DPF3: variants seen among roughly 807,000 people sequenced by gnomAD.
DPF3 encodes the protein double PHD fingers 3.
Under a neutral mutation model 56.8 loss-of-function variants are expected in DPF3, and 18 were observed. That is an observed-to-expected ratio of 0.32 (90% CI 0.22 to 0.47). DPF3 has a LOEUF of 0.47. Ranked by LOEUF, DPF3 falls within the 20% of genes least tolerant of loss-of-function variation. The probability of loss-of-function intolerance (pLI) is 1.00; values close to 1 mark genes in which losing one functional copy is unlikely to be tolerated. For missense variants in DPF3, 403 were observed against 488.8 expected, an observed-to-expected ratio of 0.82 and a Z score of 1.65; for synonymous variants, 188 against 180.2, an observed-to-expected ratio of 1.04 and a Z score of -0.35.
At chr14:72,871,789 C>T (rs554695449) in intron 1 of DPF3, among the ~76,000 whole-genome samples, 2 of 152,324 alleles carry the variant, frequency 1.3e-5, no homozygotes, top group African/African-American at 4.8e-5. Context: ...CTTTTCCAGG[C>T]ACATGGTGCA....
intron 1 of DPF3, among the ~76,000 whole-genome samples, chr14:72,877,037 G>C (rs1011494055): frequency 7.9e-5 from 12 of 152,120 alleles, no homozygotes; most frequent in African/African-American, 2.9e-4. Flanking sequence ...TTTTGATCAA[G>C]GTGCAATTCA....
At chr14:72,884,627 C>G (rs1193909289) in intron 1 of DPF3, among the ~76,000 whole-genome samples, 7 of 151,814 alleles carry the variant, frequency 4.6e-5, no homozygotes, top group Non-Finnish European at 1.5e-5. Flanking sequence ...CTCCTGCCCC[C>G]CAAGCTATCC....
chr14:72,698,708 T>C (rs1253969016), intron 6 of DPF3, among the ~76,000 whole-genome samples: 1 of 152,174 alleles, frequency 6.6e-6, no homozygotes, highest in Non-Finnish European at 1.5e-5. Flanking sequence ...TAGGCTAGGC[T>C]ACACTATGGT....
intron 1 of DPF3, among the ~76,000 whole-genome samples, chr14:72,884,907 TAA>T (rs1460223483): frequency 8.4e-6 from 1 of 118,786 alleles, no homozygotes; most frequent in Non-Finnish European, 1.8e-5. Flanking sequence ...CCGTCCTGGC[TAA>T]CACGGTGAAA....
At chr14:72,652,539 G>T (rs1885943683) in intron 8 of DPF3, among the ~76,000 whole-genome samples, 1 of 152,042 alleles carries the variant, frequency 6.6e-6, no homozygotes, top group Non-Finnish European at 1.5e-5. Context: ...TTTCTCCCTG[G>T]GCCATTTAGC....
At chr14:72,673,502 G>A (rs553566529) in intron 8 of DPF3, among the ~76,000 whole-genome samples, 1 of 152,184 alleles carries the variant, frequency 6.6e-6, no homozygotes, top group Non-Finnish European at 1.5e-5. Flanking sequence ...GGTTTGGTTA[G>A]AACTAAAAAA....
At chr14:72,687,184 GA>G (rs985856560) in intron 7 of DPF3, among the ~76,000 whole-genome samples, 3 of 152,126 alleles carry the variant, frequency 2.0e-5, no homozygotes, top group Non-Finnish European at 4.4e-5. Context: ...CAACAGAGGT[GA>G]AAAGCCTAAC....
chr14:72,728,834 G>A (rs577989241), intron 4 of DPF3, among the ~76,000 whole-genome samples: 1 of 152,222 alleles, frequency 6.6e-6, no homozygotes, highest in South Asian at 2.1e-4. Context: ...AAATTAGAAA[G>A]TACATTAGAT....
intron 8 of DPF3, among the ~76,000 whole-genome samples, chr14:72,665,273 G>T (rs1191225774): frequency 6.6e-6 from 1 of 152,134 alleles, no homozygotes; most frequent in Non-Finnish European, 1.5e-5. Context: ...TAAATTCATT[G>T]CCCCATGTTT....
rs947427046 is a variant in DPF3, at chr14:72,619,112, G to A, written c.*185C>T. ...ACAAGGAGGTGCTGGCTGAAGTTCC[G>A]TACATATCGGGGGAGGTCAGGAGAT... On this transcript the variant is annotated 3_prime_UTR_variant, in exon 11 of 11. Transcript: ENST00000556509. 6.6e-6 allele frequency among the ~76,000 whole-genome samples: 1 copy of A among 152,214 alleles called. No individual in the cohort carries two copies. Among genetic ancestry groups the A allele is most frequent in the African/African-American group, 2.4e-5 (1 of 41,452 alleles).
At position 72,714,615 on chromosome 14, in the gene DPF3, C is replaced by T. The variant is rs1314159379; in HGVS notation, c.526-114G>A. The T allele has an allele frequency of 2.5e-6, 3 of 1,189,146 alleles. No homozygotes were observed. The East Asian group carries it at 7.4e-5, about 29-fold the overall frequency. The allele number at this position is 1,189,146 out of a possible 1,614,324, so 73.7% of individuals were successfully genotyped here. Reference sequence around the variant, plus strand: ...TTCATCCCAACTTTTGTGCCAACACCAGTCCCATCTTACAGGGGAGGAAAC... The same window carrying T: ...TTCATCCCAACTTTTGTGCCAACACTAGTCCCATCTTACAGGGGAGGAAAC... On this transcript the variant is annotated intron_variant, in intron 5 of 10. Transcript: ENST00000556509.
Position 72,826,896 on chromosome 14 carries a change from G to C in DPF3, c.33-55003C>G, listed in dbSNP as rs764821479. ...TCTCTATTAAAAATACAAAAAATTA[G>C]CTGGGCATGGTGGCGCGTGCCTGTA... On this transcript the variant is annotated intron_variant, in intron 1 of 10. Coordinates refer to ENST00000556509, the MANE Select transcript of DPF3 (RefSeq NM_001280542.3). 3.3e-5 allele frequency among the ~76,000 whole-genome samples: 5 copies of C among 152,228 alleles called. No homozygotes were observed. In the East Asian group the frequency reaches 7.7e-4, roughly 24 times the overall value.
intron 2 of DPF3, among the ~76,000 whole-genome samples, chr14:72,765,599 T>C (rs565878515): frequency 6.6e-6 from 1 of 152,244 alleles, no homozygotes; most frequent in African/African-American, 2.4e-5. Flanking sequence ...TGATATAGTA[T>C]TAATTAGTAA....
intron 1 of DPF3, among the ~76,000 whole-genome samples, chr14:72,834,564 T>A (rs1022732516): frequency 6.9e-6 from 1 of 144,434 alleles, no homozygotes; most frequent in African/African-American, 2.6e-5. Flanking sequence ...CACAAAGAGG[T>A]AGAGGAACTG....
chr14:72,847,806 A>C (rs1208377109), intron 1 of DPF3, among the ~76,000 whole-genome samples: 1 of 152,016 alleles, frequency 6.6e-6, no homozygotes, highest in Non-Finnish European at 1.5e-5. Flanking sequence ...GCCACCGCCC[A>C]GCCTCATTCT....
chr14:72,781,373 T>C (rs12437188), intron 1 of DPF3, among the ~76,000 whole-genome samples: 18,257 of 152,186 alleles, frequency 0.12, 1,327 homozygotes, highest in South Asian at 0.21. Flanking sequence ...GAAGGGCACA[T>C]TGGGGACAAA....
intron 8 of DPF3, among the ~76,000 whole-genome samples, chr14:72,643,366 G>A (rs1029405204): frequency 6.6e-6 from 1 of 152,184 alleles, no homozygotes; most frequent in East Asian, 1.9e-4. Flanking sequence ...TGCCTCTAGC[G>A]AAATCCCTCA....
intron 1 of DPF3, among the ~76,000 whole-genome samples, chr14:72,861,751 G>C (rs1261058408): frequency 5.8e-5 from 7 of 119,944 alleles, no homozygotes; most frequent in African/African-American, 2.1e-4. Context: ...AAGAAAGAAA[G>C]AAAGAAAGAA....
At chr14:72,755,073 C>A (rs1890736994) in intron 2 of DPF3, among the ~76,000 whole-genome samples, 1 of 152,228 alleles carries the variant, frequency 6.6e-6, no homozygotes, top group Admixed American at 6.5e-5. Context: ...AGGCCTGAGG[C>A]CAGAGCCCCC....
Sources: allele counts gnomAD v4.1 joint callset (sites outside exome capture counted in the v4.1 genomes callset), GRCh38; gene constraint gnomAD v4.1.1; transcripts MANE v1.5; gene names NCBI Gene and HGNC (gene_info 2026-07-23, HGNC 2026-07-21).